Variants in PPP6R1 observed in about 807,000 individuals in gnomAD.
The protein encoded by PPP6R1 is protein phosphatase 6 regulatory subunit 1.
A neutral mutation model predicts 104.6 loss-of-function variants in PPP6R1; 39 were observed. That is an observed-to-expected ratio of 0.37 (90% CI 0.29 to 0.49). The LOEUF (loss-of-function observed/expected upper bound fraction) is 0.49. Among genes scored for constraint, PPP6R1 ranks in the 20% least tolerant of loss-of-function variants. The pLI is 0.98. For missense variants in PPP6R1, 1,181 were observed against 1,155.8 expected (o/e 1.02, Z -0.32); for synonymous variants, 549 against 479.0 (o/e 1.15, Z -1.91).
chr19:55,239,264 G>A (rs1420368600), intron 15 of PPP6R1, 141 bp downstream of exon 15: 4 of 789,288 alleles, frequency 5.1e-6, no homozygotes, highest in South Asian at 1.7e-5. Flanking sequence ...CAAGGCCACG[G>A]CCAACGCGTG....
rs2087452615 is a variant in PPP6R1 at position 55,241,144 on chromosome 19, CCCCCAGCCGAGCCCCCA to C, written c.1161+78_1162-66del. The C allele has an allele frequency of 8.1e-7, 1 of 1,232,688 alleles. No individual in the cohort carries two copies. The allele number at this position is 1,232,688 out of a possible 1,614,324, so 76.4% of individuals were successfully genotyped here. ...CCCAGCCGAGCCCCCAACCCCTGAG[CCCCCAGCCGAGCCCCCA>C]CCCCAGCCCCCGAACCCTCAGCCCA... On this transcript the variant is annotated intron_variant, in intron 9 of 23. Transcript: ENST00000412770. This position sits in a 1 kb window ranked among gnomAD's most constrained non-coding sequence, Gnocchi z 5.4.
chr19:55,250,610 G>A (rs2087545447), intron 1 of PPP6R1, among the ~76,000 whole-genome samples: 1 of 152,168 alleles, frequency 6.6e-6, no homozygotes, highest in African/African-American at 2.4e-5. Context: ...TTACTCAACA[G>A]ACATCCCTGG....
At position 55,232,248 on chromosome 19, in the gene PPP6R1, G is replaced by C. The variant is rs1305583656; in HGVS notation, c.1989-37C>G. 5.3e-6 allele frequency: 8 copies of C among 1,511,112 alleles called. No homozygotes were observed. In the South Asian group the frequency reaches 1.0e-4, roughly 20 times the overall value. The allele number at this position is 1,511,112 out of a possible 1,614,324, so 93.6% of individuals were successfully genotyped here. A position where few individuals can be genotyped will look rare whatever the true frequency, so the allele number is the denominator to read the frequency against. ...ACCACCTCGTCAGCTAGCTGTGTGGGACAGACCGGCCGACACCCATCCTGT... is the reference window on the plus strand; with the variant it reads ...ACCACCTCGTCAGCTAGCTGTGTGGCACAGACCGGCCGACACCCATCCTGT... On this transcript the variant is annotated intron_variant, in intron 17 of 23. Transcript: ENST00000412770.
intron 1 of PPP6R1, among the ~76,000 whole-genome samples, chr19:55,250,309 C>T (rs1421119804): frequency 6.6e-6 from 1 of 152,246 alleles, no homozygotes; most frequent in Non-Finnish European, 1.5e-5. Context: ...GCCTATGCCC[C>T]GATCCAGGGG....
chr19:55,247,174 C>T, intron 1 of PPP6R1, 65 bp from the exon 2 acceptor site: 1 of 1,520,632 alleles, frequency 6.6e-7, no homozygotes, highest in Non-Finnish European at 9.0e-7. Context: ...GGACGAGGCA[C>T]TGACCACAGG....
chr19:55,242,566 A>G, intron 5 of PPP6R1, 78 bp from the exon 6 acceptor site: 1 of 1,235,934 alleles, frequency 8.1e-7, no homozygotes, highest in East Asian at 2.3e-5. Flanking sequence ...AGCCCCTCCC[A>G]TGAGCTGACC....
Position 55,242,292 on chromosome 19 carries a change from G to A in PPP6R1, c.732-13C>T, listed in dbSNP as rs1269496403. ...AATCGTCTCCTGCCTGCGGGGGCAG[G>A]GGCAGGGGTCAGGGTGAGGGGCCAG... On this transcript the variant is annotated splice_polypyrimidine_tract_variant and intron_variant, in intron 6 of 23. Coordinates refer to ENST00000412770, the MANE Select transcript of PPP6R1 (RefSeq NM_014931.4). 6.2e-7 allele frequency: 1 copy of A among 1,613,686 alleles called. No individual in the cohort carries two copies. Among genetic ancestry groups the A allele is most frequent in the South Asian group, 1.1e-5 (1 of 91,076 alleles).
At chr19:55,247,366 A>G in intron 1 of PPP6R1, 1 of 521,300 alleles carries the variant, frequency 1.9e-6, no homozygotes, top group South Asian at 2.2e-5. Context: ...CCCCATCTCC[A>G]GCCTCCCGGC....
chr19:55,228,449 G>A, downstream of PPP6R1: 3 of 1,609,468 alleles, frequency 1.9e-6, no homozygotes, highest in Non-Finnish European at 2.5e-6. Context: ...TTTGGGGAGT[G>A]GGGAGCTACT....
Position 55,242,537 on chromosome 19 carries a change from T to C in PPP6R1, c.619-49A>G, listed in dbSNP as rs758995871. ...GGATCCTGGTCGGGCCACCGGGCCC[T>C]CTGCAGCCTGGTGCTGGGAGCCCCT... is the stretch of plus-strand genomic sequence containing the variant. On this transcript the variant is annotated intron_variant, in intron 5 of 23. Transcript: ENST00000412770. 4 of 1,494,196 alleles carry C rather than the reference T, an allele frequency of 2.7e-6. No homozygotes were observed. In the East Asian group the frequency reaches 6.8e-5, roughly 25 times the overall value. The allele number at this position is 1,494,196 out of a possible 1,614,324, so 92.6% of individuals were successfully genotyped here.
intron 17 of PPP6R1, chr19:55,236,340 A>C (rs1338782791): frequency 3.1e-6 from 1 of 323,968 alleles, no homozygotes; most frequent in Non-Finnish European, 5.6e-6. Flanking sequence ...TTTTTTGTAG[A>C]GACAGGATCT....
intron 1 of PPP6R1, among the ~76,000 whole-genome samples, chr19:55,247,682 C>T (rs955852249): frequency 2.0e-5 from 3 of 152,174 alleles, no homozygotes; most frequent in African/African-American, 2.4e-5. Flanking sequence ...CCCAAGGCTA[C>T]GTGGGAGGCA....
intron 1 of PPP6R1, among the ~76,000 whole-genome samples, chr19:55,254,778 C>T (rs2122742151): frequency 6.6e-6 from 1 of 152,292 alleles, no homozygotes; most frequent in African/African-American, 2.4e-5. Flanking sequence ...CCTTAAAGGG[C>T]CCAGAGTCCG....
chr19:55,235,925 G>A (rs1003800832), intron 17 of PPP6R1, among the ~76,000 whole-genome samples: 11 of 137,752 alleles, frequency 8.0e-5, no homozygotes, highest in Admixed American at 3.2e-4. Flanking sequence ...TGCAACCTCC[G>A]CCCCCCAGGG....
chr19:55,242,685 A>C, intron 5 of PPP6R1, 197 bp from the exon 6 acceptor site: 1 of 581,172 alleles, frequency 1.7e-6, no homozygotes, highest in Non-Finnish European at 3.1e-6. Flanking sequence ...GGAAGCCCGG[A>C]AGGCTCCCCA....
chr19:55,241,074 G>C lies in PPP6R1; in HGVS notation c.1167C>G (p.Leu389=). The C allele has an allele frequency of 6.4e-7, 1 of 1,550,938 alleles. No individual in the cohort carries two copies. Among genetic ancestry groups the C allele is most frequent in the Non-Finnish European group, 8.7e-7 (1 of 1,147,236 alleles). The change falls in exon 10 of 24, where the codon CTC becomes CTG. Residue 389 remains leucine (L), a synonymous_variant. Transcript: ENST00000412770. The surrounding 1 kb of genome is among the most constrained non-coding windows in gnomAD (Gnocchi z 5.4). ...ALDVPNTMLD[L]FFHYVFNNFL... is the part of the protein sequence containing the mutation. The stretch of plus-strand genomic sequence containing the variant: ...AGTTGTTGAAGACATAATGGAAGAA[G>C]AGGTCCTATGGGAGGACACAGGATT...
At chr19:55,228,499 A>C (rs1393148855), downstream of PPP6R1, 1 of 1,592,786 alleles carries the variant, frequency 6.3e-7, no homozygotes, top group Non-Finnish European at 8.5e-7. Flanking sequence ...TGGGACTCAG[A>C]TCTCATGGCT....
At position 55,230,258 on chromosome 19, in the gene PPP6R1, A is replaced by G. The variant is rs1319234452; in HGVS notation, c.*270T>C. The G allele has an allele frequency of 3.7e-6, 2 of 542,990 alleles. No homozygotes were observed. Among genetic ancestry groups the G allele is most frequent in the East Asian group, 3.1e-5 (1 of 32,188 alleles). The allele number at this position is 542,990 out of a possible 1,614,324, so 33.6% of individuals were successfully genotyped here. ...TCTCCTCCCTCTCTCTATATAATAT[A>G]TAATATATGTTTCTCTCTCTCCATT... On this transcript the variant is annotated 3_prime_UTR_variant, in exon 24 of 24. Transcript: ENST00000412770.
rs75059982 is a variant in PPP6R1, at chr19:55,232,514, A to G, written c.1989-303T>C. 7.0e-5 allele frequency: 27 copies of G among 388,086 alleles called. 1 individual carries two copies. In the East Asian group the frequency reaches 1.2e-3, roughly 17 times the overall value. 24.0% of individuals were successfully genotyped at this position (388,086 alleles called of 1,614,324 possible). A position where few individuals can be genotyped will look rare whatever the true frequency, so the allele number is the denominator to read the frequency against. On this transcript the variant is annotated intron_variant, in intron 17 of 23. Transcript: ENST00000412770. ...GCTGAGCCTCAGCCATGGCAACCAG[A>G]GCAGACAGACCCACTCACCAGCTCT...
Sources: gnomAD v4.1 joint callset for allele counts (sites outside exome capture counted in the v4.1 genomes callset) on GRCh38, gnomAD v4.1.1 for gene constraint, Gnocchi (gnomAD v3.1) non-coding constraint, MANE v1.5 for transcripts, NCBI Gene and HGNC (gene_info 2026-07-23, HGNC 2026-07-21) for gene names.